Variants in ATP11A observed in about 807,000 individuals in gnomAD.
ATP11A encodes ATPase phospholipid transporting 11A, also known as phospholipid-transporting ATPase IH.
In ATP11A, 81 loss-of-function variants were observed where a neutral mutation model predicts 154.4. The ratio of observed to expected loss-of-function variants is 0.52; its 90% CI spans 0.44 to 0.63. ATP11A has a LOEUF of 0.63. Among genes scored for constraint, ATP11A ranks in the 30% least tolerant of loss-of-function variants. The pLI is 0.00. For missense variants in ATP11A, 1,316 were observed against 1,474.3 expected, an observed-to-expected ratio of 0.89 and a Z score of 1.76; for synonymous variants, 623 against 585.9, an observed-to-expected ratio of 1.06 and a Z score of -0.91.
chr13:112,859,462 A>G lies in ATP11A; in HGVS notation c.2727+10A>G. On this transcript the variant is annotated intron_variant, in intron 23 of 29. Coordinates refer to ENST00000375645, the MANE Select transcript of ATP11A (RefSeq NM_015205.3). This position sits in a 1 kb window ranked among gnomAD's most constrained non-coding sequence, Gnocchi z 4.3. The stretch of plus-strand genomic sequence containing the variant: ...TGGGTTTTCACAACAGGTCAGTCCT[A>G]GGGTCTTCAGGGACAGGCTGTCTGA... 3 of 1,608,634 alleles carry G rather than the reference A, an allele frequency of 1.9e-6. No homozygotes were observed. Among genetic ancestry groups the G allele is most frequent in the Non-Finnish European group, 2.6e-6 (3 of 1,175,134 alleles).
intron 25 of ATP11A, among the ~76,000 whole-genome samples, chr13:112,868,665 C>T (rs1355473250): frequency 6.6e-6 from 1 of 152,176 alleles, no homozygotes; most frequent in East Asian, 1.9e-4. Flanking sequence ...CCCAGGGATG[C>T]CTGCCACCCC....
At chr13:112,791,060 C>T (rs997484522) in intron 2 of ATP11A, among the ~76,000 whole-genome samples, 2 of 152,202 alleles carry the variant, frequency 1.3e-5, no homozygotes, top group Admixed American at 6.5e-5. Context: ...ACAAAGTCGA[C>T]GCAGTCTCAG....
At chr13:112,849,577 T>C (rs2079703658) in intron 17 of ATP11A, among the ~76,000 whole-genome samples, 2 of 152,262 alleles carry the variant, frequency 1.3e-5, no homozygotes, top group South Asian at 4.1e-4. Context: ...TTGTATGTTT[T>C]ATTGCCTCTT....
At chr13:112,715,297 G>A (rs191582116) in intron 1 of ATP11A, among the ~76,000 whole-genome samples, 1 of 151,092 alleles carries the variant, frequency 6.6e-6, no homozygotes, top group African/African-American at 2.4e-5. Flanking sequence ...AACCTGGGGT[G>A]ACATGTGCAC....
In ATP11A at chr13:112,754,264, C is replaced by T. The variant is rs967498724; in HGVS notation, c.40-30871C>T. Among the ~76,000 whole-genome samples, 1 of 152,184 alleles carries T rather than the reference C, an allele frequency of 6.6e-6. No homozygotes were observed. Among genetic ancestry groups the T allele is most frequent in the Admixed American group, 6.5e-5 (1 of 15,284 alleles). On this transcript the variant is annotated intron_variant, in intron 1 of 29. Coordinates refer to ENST00000375645, the MANE Select transcript of ATP11A (RefSeq NM_015205.3). The surrounding 1 kb of genome is among the most constrained non-coding windows in gnomAD (Gnocchi z 5.3). ...GGGTTCTCACTGGCGGGACTGTTCA[C>T]CTCTGCAATCTGCCCCTTAGTGCCT... is the stretch of plus-strand genomic sequence containing the variant.
chr13:112,800,610 G>T (rs1162871277), intron 2 of ATP11A, among the ~76,000 whole-genome samples: 1 of 151,650 alleles, frequency 6.6e-6, no homozygotes, highest in East Asian at 1.9e-4. Context: ...TCTCTTCCAG[G>T]TAATAGAAGC....
At chr13:112,862,979 A>G (rs1198741177) in intron 25 of ATP11A, among the ~76,000 whole-genome samples, 1 of 146,454 alleles carries the variant, frequency 6.8e-6, no homozygotes, top group Non-Finnish European at 1.5e-5. Flanking sequence ...CCACGTGCAC[A>G]GTAATTGAGT....
In ATP11A at chr13:112,886,609, T is replaced by C. The variant is rs1308944156; in HGVS notation, c.*4743T>C. ...CTGATGTTGTGTCTATAAGCAGCCTTGATGGGATATGTTAGAAGTGTCATG... is the reference window on the plus strand; with the variant it reads ...CTGATGTTGTGTCTATAAGCAGCCTCGATGGGATATGTTAGAAGTGTCATG... On this transcript the variant is annotated 3_prime_UTR_variant, in exon 30 of 30. Transcript: ENST00000375645. 3 of 152,524 alleles carry C rather than the reference T, an allele frequency of 2.0e-5. No individual in the cohort carries two copies. The highest frequency in any genetic ancestry group is 4.4e-5 in the Non-Finnish European group (3 of 68,020). The allele number at this position is 152,524 out of a possible 1,614,324, so 9.4% of individuals were successfully genotyped here.
At chr13:112,749,490 A>G (rs2076639294) in intron 1 of ATP11A, among the ~76,000 whole-genome samples, 1 of 152,254 alleles carries the variant, frequency 6.6e-6, no homozygotes, top group African/African-American at 2.4e-5. Context: ...TTGAGTATTA[A>G]AAGTCTTACA....
Position 112,859,041 on chromosome 13 carries a change from T to C in ATP11A, c.2668-352T>C. The C allele has an allele frequency of 3.5e-6, 1 of 287,368 alleles. No individual in the cohort carries two copies. Among genetic ancestry groups the C allele is most frequent in the East Asian group, 9.9e-5 (1 of 10,140 alleles). 17.8% of individuals were successfully genotyped at this position (287,368 alleles called of 1,614,324 possible). Reference sequence around the variant, plus strand: ...CCTTTTCTCCCCCCACAGAATTGAGTGTGGAACCAGTGAGAACCTTTCAGG... The same window carrying C: ...CCTTTTCTCCCCCCACAGAATTGAGCGTGGAACCAGTGAGAACCTTTCAGG... On this transcript the variant is annotated intron_variant, in intron 22 of 29. Transcript: ENST00000375645. The surrounding 1 kb of genome is among the most constrained non-coding windows in gnomAD (Gnocchi z 4.3).
rs144324158 is a variant in ATP11A, at chr13:112,875,237, C to T, written c.3162-539C>T. Reference sequence around the variant, plus strand: ...TCCGTAGTGCCTGGGATGTGAAAGGCGATCAGGAAACGTTACCGGAAGGCA... The same window carrying T: ...TCCGTAGTGCCTGGGATGTGAAAGGTGATCAGGAAACGTTACCGGAAGGCA... On this transcript the variant is annotated intron_variant, in intron 27 of 29. Transcript: ENST00000375645. The surrounding 1 kb of genome is among the most constrained non-coding windows in gnomAD (Gnocchi z 4.1). Among the ~76,000 whole-genome samples the T allele has an allele frequency of 3.9e-4, 60 of 152,312 alleles. No homozygotes were observed. The East Asian group carries it at 5.4e-3, about 14-fold the overall frequency.
At chr13:112,835,079 G>A (rs560356644) in intron 15 of ATP11A, among the ~76,000 whole-genome samples, 1 of 152,256 alleles carries the variant, frequency 6.6e-6, no homozygotes, top group Non-Finnish European at 1.5e-5. Context: ...CCTGGCTCAC[G>A]TGCTGGGAGC....
intron 12 of ATP11A, among the ~76,000 whole-genome samples, chr13:112,828,118 G>GGAACGCCCAGCAGTGTTGAGTGCGGGGGA (rs1555333890): frequency 8.2e-6 from 1 of 122,386 alleles, no homozygotes; most frequent in Non-Finnish European, 1.7e-5. Flanking sequence ...TGAGTGGGGG[G>GGAACGCCCAGCAGTGTTGAGTGCGGGGGA]AAGCGCCCAG....
chr13:112,881,049 AGTGCAGGTCTTCTGTGT>A (rs1467803386), intron 29 of ATP11A: 2 of 988,060 alleles, frequency 2.0e-6, no homozygotes, highest in Non-Finnish European at 2.4e-6. Flanking sequence ...GGCAGGTGTG[AGTGCAGGTCTTCTGTGT>A]GCCAGCCGGA....
intron 1 of ATP11A, among the ~76,000 whole-genome samples, chr13:112,780,002 T>G (rs2077459384): frequency 6.6e-6 from 1 of 151,542 alleles, no homozygotes; most frequent in Non-Finnish European, 1.5e-5. Context: ...AAGCTGAAAA[T>G]CAGAGCAAGT....
chr13:112,728,751 A>C (rs553518670), intron 1 of ATP11A, among the ~76,000 whole-genome samples: 1 of 152,250 alleles, frequency 6.6e-6, no homozygotes, highest in African/African-American at 2.4e-5. Flanking sequence ...TTTAACTACA[A>C]ATATTCTGTG....
At chr13:112,773,396 C>A (rs1249006992) in intron 1 of ATP11A, among the ~76,000 whole-genome samples, 9 of 152,234 alleles carry the variant, frequency 5.9e-5, no homozygotes, top group Admixed American at 5.9e-4. Flanking sequence ...TCTGTATCGA[C>A]CAAACCCACC....
intron 1 of ATP11A, among the ~76,000 whole-genome samples, chr13:112,714,105 C>T (rs1367627069): frequency 6.6e-6 from 1 of 151,232 alleles, no homozygotes; most frequent in Non-Finnish European, 1.5e-5. Context: ...GCCTCCCTTC[C>T]ACTCCCCGCA....
chr13:112,692,638 G>A (rs539122311), intron 1 of ATP11A, among the ~76,000 whole-genome samples: 67 of 152,140 alleles, frequency 4.4e-4, no homozygotes, highest in African/African-American at 1.3e-3. Flanking sequence ...ATAACGTCTC[G>A]GGAATACGAG....
Sources: allele counts gnomAD v4.1 joint callset (sites outside exome capture counted in the v4.1 genomes callset), GRCh38; gene constraint gnomAD v4.1.1; non-coding constraint Gnocchi (gnomAD v3.1); transcripts MANE v1.5; gene names NCBI Gene and HGNC (gene_info 2026-07-23, HGNC 2026-07-21).